LRIG1: variants seen among roughly 807,000 people sequenced by gnomAD.
LRIG1 encodes leucine rich repeats and immunoglobulin like domains 1, also known as leucine-rich repeats and immunoglobulin-like domains protein 1.
A neutral mutation model predicts 99.2 loss-of-function variants in LRIG1; 48 were observed. The ratio of observed to expected loss-of-function variants is 0.48; its 90% CI spans 0.38 to 0.62. The LOEUF (loss-of-function observed/expected upper bound fraction) is 0.62, where lower values mean the gene tolerates loss of function less well. Ranked by LOEUF, LRIG1 falls within the 20% of genes least tolerant of loss-of-function variation. The probability of loss-of-function intolerance (pLI) is 0.00; values close to 1 mark genes in which losing one functional copy is unlikely to be tolerated. For synonymous variants in LRIG1, 772 were observed against 596.1 expected (o/e 1.29, Z -4.30); for missense variants, 1,646 against 1,434.4 (o/e 1.15, Z -2.38).
chr3:66,497,872 G>T (rs1701264679), intron 1 of LRIG1, among the ~76,000 whole-genome samples: 1 of 152,050 alleles, frequency 6.6e-6, no homozygotes, highest in Admixed American at 6.6e-5. Context: ...GTGTAAACTT[G>T]GTGAAACTAC....
intron 3 of LRIG1, among the ~76,000 whole-genome samples, chr3:66,448,324 C>T (rs1177348095): frequency 6.6e-6 from 1 of 152,168 alleles, no homozygotes; most frequent in African/African-American, 2.4e-5. Context: ...CGGCTCAATT[C>T]TGCATAAGCA....
intron 1 of LRIG1, among the ~76,000 whole-genome samples, chr3:66,488,002 CAAT>C (rs1302455156): frequency 6.6e-6 from 1 of 151,482 alleles, no homozygotes; most frequent in Non-Finnish European, 1.5e-5. Context: ...TTCCGGAAAA[CAAT>C]AATAAAAATA....
intron 7 of LRIG1, 140 bp from the exon 8 acceptor site, chr3:66,407,631 A>ACC: frequency 9.7e-6 from 8 of 820,910 alleles, no homozygotes; most frequent in Non-Finnish European, 1.3e-5. Flanking sequence ...GTGCACACAC[A>ACC]CACCCACACC....
chr3:66,400,095 C>T (rs1465747990), intron 9 of LRIG1, among the ~76,000 whole-genome samples: 1 of 152,216 alleles, frequency 6.6e-6, no homozygotes, highest in African/African-American at 2.4e-5. Context: ...ACTGCCTGCT[C>T]ATAAAAAGGG....
chr3:66,399,725 G>A (rs577554397), intron 9 of LRIG1, among the ~76,000 whole-genome samples: 25 of 152,230 alleles, frequency 1.6e-4, no homozygotes, highest in Admixed American at 8.5e-4. Context: ...CCATGATTGC[G>A]CCACTGCACT....
chr3:66,409,942 A>T (rs941946714), intron 7 of LRIG1, 187 bp downstream of exon 7: 5 of 536,184 alleles, frequency 9.3e-6, no homozygotes, highest in Admixed American at 3.6e-5. Context: ...AGGGGAGATG[A>T]GGAAGGGACT....
rs146526780 is a variant in LRIG1, at chr3:66,380,043, C to G, written c.*220G>C. Reference sequence around the variant, plus strand: ...GATATATATGAAATCTCTGAAAACTCTTATGTACAATGATATCAAATACTT... The same window carrying G: ...GATATATATGAAATCTCTGAAAACTGTTATGTACAATGATATCAAATACTT... On this transcript the variant is annotated 3_prime_UTR_variant, in exon 19 of 19. Coordinates refer to ENST00000273261, the MANE Select transcript of LRIG1 (RefSeq NM_015541.3). 2,875 of 446,654 alleles carry G rather than the reference C, an allele frequency of 6.4e-3. 22 individuals are homozygous for G. The highest frequency in any genetic ancestry group is 7.4e-3 in the Non-Finnish European group (1,855 of 251,134). The allele number at this position is 446,654 out of a possible 1,614,324, so 27.7% of individuals were successfully genotyped here.
Position 66,381,385 on chromosome 3 carries a change from A to G in LRIG1, c.2770+94T>C, listed in dbSNP as rs186546312. ...ATACCAAATTTGGAGACAGCTGTGG[A>G]CTAGGAATGTGTCTCCCCCTTTGAT... is the stretch of plus-strand genomic sequence containing the variant. On this transcript the variant is annotated intron_variant, in intron 17 of 18. Coordinates refer to ENST00000273261, the MANE Select transcript of LRIG1 (RefSeq NM_015541.3). 31 of 1,285,106 alleles carry G rather than the reference A, an allele frequency of 2.4e-5. No homozygotes were observed. In the Admixed American group the frequency reaches 3.7e-4, roughly 15 times the overall value. The allele number at this position is 1,285,106 out of a possible 1,614,324, so 79.6% of individuals were successfully genotyped here.
intron 12 of LRIG1, among the ~76,000 whole-genome samples, chr3:66,389,296 T>A (rs1486975442): frequency 6.6e-6 from 1 of 151,918 alleles, no homozygotes; most frequent in East Asian, 1.9e-4. Flanking sequence ...AAAAAACTAG[T>A]CAGTATTGGA....
chr3:66,382,756 G>A (rs1701156238), intron 15 of LRIG1, among the ~76,000 whole-genome samples: 1 of 152,182 alleles, frequency 6.6e-6, no homozygotes, highest in Admixed American at 6.5e-5. Context: ...ACTGCATGGT[G>A]CGTCAGTTAC....
At chr3:66,404,535 T>A in intron 9 of LRIG1, 2 of 601,778 alleles carry the variant, frequency 3.3e-6, no homozygotes, top group Non-Finnish European at 4.6e-6. Context: ...AAGCAAATCC[T>A]GAGCCTGCCA....
chr3:66,401,336 A>G (rs933840835), intron 9 of LRIG1, among the ~76,000 whole-genome samples: 1 of 152,156 alleles, frequency 6.6e-6, no homozygotes, highest in African/African-American at 2.4e-5. Context: ...GAGCACTGCC[A>G]ACTTCTACTC....
intron 1 of LRIG1, among the ~76,000 whole-genome samples, chr3:66,474,220 T>C (rs1044889824): frequency 7.2e-5 from 11 of 152,192 alleles, no homozygotes; most frequent in African/African-American, 2.7e-4. Context: ...AAAATTTTAC[T>C]ATGTCAAATG....
At chr3:66,449,090 T>C (rs1575700673) in intron 3 of LRIG1, among the ~76,000 whole-genome samples, 1 of 152,306 alleles carries the variant, frequency 6.6e-6, no homozygotes, top group East Asian at 1.9e-4. Flanking sequence ...AGGAAGGTGG[T>C]TCTTTGGGCT....
intron 1 of LRIG1, among the ~76,000 whole-genome samples, chr3:66,485,291 C>T (rs886791212): frequency 6.6e-6 from 1 of 152,170 alleles, no homozygotes; most frequent in African/African-American, 2.4e-5. Flanking sequence ...CCACAGCACT[C>T]TCCCAGGACT....
rs1700345583 is a variant in LRIG1 at position 66,461,141 on chromosome 3, T to C, written c.290+1297A>G. On this transcript the variant is annotated intron_variant, in intron 2 of 18. Transcript: ENST00000273261. Reference sequence around the variant, plus strand: ...GCCTGACCAACATGGCGGAACACCATCTCTACTAAAAAAATTAGCTGGATG... The same window carrying C: ...GCCTGACCAACATGGCGGAACACCACCTCTACTAAAAAAATTAGCTGGATG... Among the ~76,000 whole-genome samples the C allele has an allele frequency of 5.3e-5, 8 of 152,112 alleles. No homozygotes were observed. In the South Asian group the frequency reaches 1.5e-3, roughly 28 times the overall value.
chr3:66,475,951 T>C (rs747092923), intron 1 of LRIG1, among the ~76,000 whole-genome samples: 73 of 152,172 alleles, frequency 4.8e-4, no homozygotes, highest in Non-Finnish European at 7.9e-4. Flanking sequence ...AAAACAGAGA[T>C]TCTTTACAGC....
chr3:66,428,041 C>T lies in LRIG1; in HGVS notation c.366-10775G>A, dbSNP rs116526357. 3.7e-3 allele frequency among the ~76,000 whole-genome samples: 566 copies of T among 152,240 alleles called. 2 individuals carry two copies. Among genetic ancestry groups the T allele is most frequent in the African/African-American group, 0.013 (531 of 41,544 alleles). ...ATTTATTTTTTCTTTCTATTGTTGACGGACATTGAGTTATTTCCAATTCAG... is the reference window on the plus strand; with the variant it reads ...ATTTATTTTTTCTTTCTATTGTTGATGGACATTGAGTTATTTCCAATTCAG... On this transcript the variant is annotated intron_variant, in intron 3 of 18. Transcript: ENST00000273261.
At chr3:66,479,550 C>G (rs1700800753) in intron 1 of LRIG1, among the ~76,000 whole-genome samples, 1 of 152,186 alleles carries the variant, frequency 6.6e-6, no homozygotes, top group South Asian at 2.1e-4. Flanking sequence ...CCCCAAGCTG[C>G]TTGAAATTGT....
Sources: allele counts gnomAD v4.1 joint callset (sites outside exome capture counted in the v4.1 genomes callset), GRCh38; gene constraint gnomAD v4.1.1; transcripts MANE v1.5; gene names NCBI Gene and HGNC (gene_info 2026-07-23, HGNC 2026-07-21).